The following DISC1 variants were observed in gnomAD, a reference collection of about 807,000 sequenced individuals.
DISC1 encodes the protein disrupted in schizophrenia 1 protein.
DISC1 carries 57 observed loss-of-function variants against 84.5 expected under a neutral mutation model. The ratio of observed to expected loss-of-function variants is 0.67; its 90% CI spans 0.55 to 0.84. The LOEUF is 0.84. DISC1 is among the 40% of genes least tolerant of loss of function. The pLI, the probability that DISC1 is intolerant of heterozygous loss-of-function variation, is 0.00. For missense variants in DISC1, 1,000 were observed against 1,057.8 expected (o/e 0.95, Z 0.76); for synonymous variants, 411 against 415.2 (o/e 0.99, Z 0.12).
chr1:232,031,208 A>G lies in DISC1; in HGVS notation c.2425+4656A>G, dbSNP rs1213045256. Among the ~76,000 whole-genome samples the G allele has an allele frequency of 2.1e-5, 3 of 144,084 alleles. No homozygotes were observed. The highest frequency in any genetic ancestry group is 7.7e-5 in the African/African-American group (3 of 39,076). 94.5% of individuals were successfully genotyped at this position (144,084 alleles called of 152,430 possible). On this transcript the variant is annotated intron_variant, in intron 12 of 12. Coordinates refer to ENST00000439617, the MANE Select transcript of DISC1 (RefSeq NM_018662.3). This position sits in a 1 kb window ranked among gnomAD's most constrained non-coding sequence, Gnocchi z 4.6. ...AGAAAGGAGAGACAGAGAGAGAGGA[A>G]GGAAGGAAGGGAGAAAGAGAGAGAG...
intron 10 of DISC1, among the ~76,000 whole-genome samples, chr1:232,007,820 C>T (rs1321288973): frequency 1.3e-5 from 2 of 152,182 alleles, no homozygotes; most frequent in Non-Finnish European, 2.9e-5. Context: ...CAAATTTCAT[C>T]TTGAATTGTA....
At chr1:231,930,837 A>G (rs147552507) in intron 9 of DISC1, among the ~76,000 whole-genome samples, 34 of 152,310 alleles carry the variant, frequency 2.2e-4, no homozygotes, top group Middle Eastern at 6.8e-3. Context: ...CTAGATGTAC[A>G]AGATTACAAG....
chr1:231,894,889 A>G, intron 9 of DISC1, among the ~76,000 whole-genome samples: 1 of 151,672 alleles, frequency 6.6e-6, no homozygotes, highest in South Asian at 2.1e-4. Flanking sequence ...ATGTGGTATG[A>G]CAGCTCTCCC....
At chr1:231,803,835 C>T (rs971930451) in intron 8 of DISC1, among the ~76,000 whole-genome samples, 1 of 151,088 alleles carries the variant, frequency 6.6e-6, no homozygotes, top group Non-Finnish European at 1.5e-5. Flanking sequence ...GTAGTCCCAT[C>T]TACTCGGGAG....
chr1:231,722,451 A>T, intron 3 of DISC1: 1 of 1,593,660 alleles, frequency 6.3e-7, no homozygotes, highest in Non-Finnish European at 8.6e-7. Flanking sequence ...CAGCATAAAC[A>T]TCACAGTGCT....
intron 9 of DISC1, among the ~76,000 whole-genome samples, chr1:231,932,602 C>T (rs1482723454): frequency 6.6e-6 from 1 of 152,130 alleles, no homozygotes; most frequent in African/African-American, 2.4e-5. Flanking sequence ...CACTCTGCTT[C>T]AAGGGTACTG....
intron 10 of DISC1, chr1:231,959,213 T>G: frequency 3.9e-6 from 4 of 1,023,812 alleles, no homozygotes; most frequent in Non-Finnish European, 4.7e-6. Flanking sequence ...TTTTTAAACT[T>G]TAGTGTTTGA....
chr1:231,767,799 T>C (rs190041942), intron 5 of DISC1, among the ~76,000 whole-genome samples: 82 of 152,374 alleles, frequency 5.4e-4, no homozygotes, highest in African/African-American at 1.8e-3. Context: ...TATTCCTCAT[T>C]ACCTTTTGAA....
chr1:231,913,899 T>C (rs1261316994), intron 9 of DISC1, among the ~76,000 whole-genome samples: 5 of 152,226 alleles, frequency 3.3e-5, no homozygotes, highest in African/African-American at 1.2e-4. Flanking sequence ...TCCATCTTGG[T>C]TCTGTTACTT....
At chr1:231,684,058 C>G (rs1446824993) in intron 1 of DISC1, among the ~76,000 whole-genome samples, 1 of 152,126 alleles carries the variant, frequency 6.6e-6, no homozygotes, top group Non-Finnish European at 1.5e-5. Flanking sequence ...TGGTCTGCAT[C>G]TGCTTGTTGA....
intron 9 of DISC1, among the ~76,000 whole-genome samples, chr1:231,861,626 C>T (rs1054675735): frequency 1.3e-5 from 2 of 152,004 alleles, no homozygotes; most frequent in Non-Finnish European, 2.9e-5. Flanking sequence ...TAGCTTTTAA[C>T]TTGCTTTATG....
At chr1:231,643,738 A>G (rs1445127858) in intron 1 of DISC1, among the ~76,000 whole-genome samples, 3 of 152,198 alleles carry the variant, frequency 2.0e-5, no homozygotes, top group Non-Finnish European at 4.4e-5. Flanking sequence ...TTGTGGGCCT[A>G]TTGTGAGGAT....
At chr1:231,807,380 C>T (rs1412946880) in intron 8 of DISC1, among the ~76,000 whole-genome samples, 1 of 152,214 alleles carries the variant, frequency 6.6e-6, no homozygotes, top group East Asian at 1.9e-4. Flanking sequence ...CAGCCTTGTC[C>T]TGCTCAAATT....
At chr1:231,975,727 G>A (rs1487201351) in intron 10 of DISC1, among the ~76,000 whole-genome samples, 3 of 152,228 alleles carry the variant, frequency 2.0e-5, no homozygotes, top group Non-Finnish European at 2.9e-5. Context: ...GCCAGACACA[G>A]AACATCAAAT....
chr1:231,860,126 A>C (rs1393916423), intron 9 of DISC1, among the ~76,000 whole-genome samples: 9 of 152,216 alleles, frequency 5.9e-5, no homozygotes, highest in Admixed American at 5.9e-4. Context: ...TCTTCCATAC[A>C]ATTTCATATT....
At chr1:231,684,142 A>G (rs2063977525) in intron 1 of DISC1, among the ~76,000 whole-genome samples, 1 of 151,456 alleles carries the variant, frequency 6.6e-6, no homozygotes, top group Non-Finnish European at 1.5e-5. Context: ...TTAATAATTA[A>G]TTTTTAGAGA....
In DISC1 at chr1:232,022,744, C is replaced by G. The variant is rs552789739; in HGVS notation, c.2308-3691C>G. ...TGTCAATTCTCAGTTTAGGTCTAAACTAATTCTATTCTCAAGATTCCAAGT... is the reference window on the plus strand; with the variant it reads ...TGTCAATTCTCAGTTTAGGTCTAAAGTAATTCTATTCTCAAGATTCCAAGT... On this transcript the variant is annotated intron_variant, in intron 11 of 12. Transcript: ENST00000439617. 2.0e-5 allele frequency among the ~76,000 whole-genome samples: 3 copies of G among 152,288 alleles called. No individual in the cohort carries two copies. The East Asian group carries it at 5.8e-4, about 29-fold the overall frequency.
intron 10 of DISC1, among the ~76,000 whole-genome samples, chr1:231,981,789 G>A (rs1280904073): frequency 6.6e-6 from 1 of 152,148 alleles, no homozygotes; most frequent in African/African-American, 2.4e-5. Flanking sequence ...ACTTGTTCAT[G>A]GGGCTGGGGA....
chr1:231,731,437 A>G (rs2071498583), intron 3 of DISC1, among the ~76,000 whole-genome samples: 1 of 152,190 alleles, frequency 6.6e-6, no homozygotes, highest in Admixed American at 6.5e-5. Flanking sequence ...GATCATTGCC[A>G]TGGAAAGGGG....
Sources: gnomAD v4.1 joint callset for allele counts (sites outside exome capture counted in the v4.1 genomes callset) on GRCh38, gnomAD v4.1.1 for gene constraint, Gnocchi (gnomAD v3.1) non-coding constraint, MANE v1.5 for transcripts, NCBI Gene and HGNC (gene_info 2026-07-23, HGNC 2026-07-21) for gene names.